CDH20: variants seen among roughly 807,000 people sequenced by gnomAD.
The protein encoded by CDH20 is cadherin 20, also known as cadherin-20.
Under a neutral mutation model 74.2 loss-of-function variants are expected in CDH20, and 29 were observed. The ratio of observed to expected loss-of-function variants is 0.39; its 90% CI spans 0.29 to 0.53. CDH20 has a LOEUF of 0.53. Among genes scored for constraint, CDH20 ranks in the 20% least tolerant of loss-of-function variants. The pLI, the probability that CDH20 is intolerant of heterozygous loss-of-function variation, is 0.69. For missense variants in CDH20, 988 were observed against 1,048.3 expected (o/e 0.94, Z 0.79); for synonymous variants, 469 against 405.4 (o/e 1.16, Z -1.88).
chr18:61,513,090 G>A (rs1212498634), intron 6 of CDH20, among the ~76,000 whole-genome samples: 1 of 150,970 alleles, frequency 6.6e-6, no homozygotes, highest in East Asian at 2.0e-4. Context: ...TCTGTCTAAT[G>A]TTGACAGTGG....
chr18:61,374,521 G>A (rs1911149215), intron 1 of CDH20, among the ~76,000 whole-genome samples: 1 of 152,092 alleles, frequency 6.6e-6, no homozygotes, highest in South Asian at 2.1e-4. Context: ...CTATTAGAGA[G>A]AAATATTTTT....
intron 1 of CDH20, among the ~76,000 whole-genome samples, chr18:61,375,909 C>T (rs767435112): frequency 3.3e-5 from 5 of 152,048 alleles, no homozygotes; most frequent in Non-Finnish European, 5.9e-5. Flanking sequence ...ATTATCCTTC[C>T]ACCACCATCT....
Position 61,554,681 on chromosome 18 carries a change from G to A in CDH20, c.2392G>A (p.Ala798Thr). The change falls in exon 12 of 12, where the codon GCG becomes ACG. Residue 798 changes from alanine (A) to threonine (T), a missense_variant. Coordinates refer to ENST00000262717, the MANE Select transcript of CDH20 (RefSeq NM_031891.4). ...GCTCTACGGGGCGTCGGAGGGACCC[G>A]CGCCGCTGTGGTGACGGAAGCCAGG... Reference protein sequence around the residue: ...AELYGASEGPAPLW With the variant: ...AELYGASEGPTPLW 1.3e-6 allele frequency: 2 copies of A among 1,570,986 alleles called. No individual in the cohort carries two copies. The highest frequency in any genetic ancestry group is 2.3e-5 in the East Asian group (1 of 43,550).
chr18:61,518,700 G>A (rs1348283166), intron 6 of CDH20, among the ~76,000 whole-genome samples: 8 of 151,280 alleles, frequency 5.3e-5, no homozygotes, highest in Admixed American at 5.2e-4. Flanking sequence ...CCAAAAACCA[G>A]AATGCCTCTT....
intron 1 of CDH20, among the ~76,000 whole-genome samples, chr18:61,444,405 T>C (rs1379311022): frequency 6.6e-6 from 1 of 152,168 alleles, no homozygotes; most frequent in Non-Finnish European, 1.5e-5. Flanking sequence ...TGTTTTTATG[T>C]CCAGACCAAA....
intron 1 of CDH20, among the ~76,000 whole-genome samples, chr18:61,366,580 TTTC>T (rs1342334223): frequency 9.8e-5 from 15 of 152,328 alleles, no homozygotes; most frequent in Non-Finnish European, 2.2e-4. Flanking sequence ...AGGATTTGTA[TTTC>T]TTAATTTTTG....
At chr18:61,490,824 C>G (rs757647254) in intron 2 of CDH20, 25 bp downstream of exon 2, 1 of 1,611,504 alleles carries the variant, frequency 6.2e-7, no homozygotes, top group Non-Finnish European at 8.5e-7. Context: ...GTAGAAATGA[C>G]CCGGGTATTG....
chr18:61,419,705 T>A (rs1019005747), intron 1 of CDH20, among the ~76,000 whole-genome samples: 1 of 152,186 alleles, frequency 6.6e-6, no homozygotes, highest in Admixed American at 6.5e-5. Flanking sequence ...TTATAGGTCA[T>A]GATTTTCACA....
rs1910824590 is a variant in CDH20, at chr18:61,365,413, T to C, written c.-153+31586T>C. ...AAATTCCTATTCTAAATTTTGGAGT[T>C]TTAGCTATTTCTAATCTGCTGGGTA... On this transcript the variant is annotated intron_variant, in intron 1 of 11. Transcript: ENST00000262717. 3.3e-5 allele frequency among the ~76,000 whole-genome samples: 5 copies of C among 152,318 alleles called. No individual in the cohort carries two copies. The South Asian group carries it at 1.0e-3, about 32-fold the overall frequency.
intron 6 of CDH20, among the ~76,000 whole-genome samples, chr18:61,517,092 C>T (rs1447867304): frequency 2.6e-5 from 4 of 152,062 alleles, no homozygotes; most frequent in African/African-American, 9.7e-5. Flanking sequence ...TATACCCCCA[C>T]AAAAAAACTC....
intron 1 of CDH20, among the ~76,000 whole-genome samples, chr18:61,348,251 C>T (rs145855026): frequency 6.6e-6 from 1 of 152,284 alleles, no homozygotes; most frequent in African/African-American, 2.4e-5. Flanking sequence ...CTTGAGGAAA[C>T]TGTATTTCTT....
intron 1 of CDH20, among the ~76,000 whole-genome samples, chr18:61,456,507 C>T (rs976404906): frequency 2.0e-5 from 3 of 152,048 alleles, no homozygotes; most frequent in Admixed American, 6.5e-5. Flanking sequence ...TAAAACTATG[C>T]ATGGTTAAAC....
Position 61,333,824 on chromosome 18 carries a change from C to G in CDH20, c.-156C>G, listed in dbSNP as rs1008204475. ...GGTCTCCGGAGAGTCGCCGGCGGTG[C>G]CAGGTAACGCAGAGGGCTCGGGTCG... is the stretch of plus-strand genomic sequence containing the variant. On this transcript the variant is annotated 5_prime_UTR_variant, in exon 1 of 12. Coordinates refer to ENST00000262717, the MANE Select transcript of CDH20 (RefSeq NM_031891.4). The G allele has an allele frequency of 6.6e-6, 1 of 152,148 alleles. No homozygotes were observed. Among genetic ancestry groups the G allele is most frequent in the Admixed American group, 6.5e-5 (1 of 15,272 alleles). 9.4% of individuals were successfully genotyped at this position (152,148 alleles called of 1,614,324 possible). A position where few individuals can be genotyped will look rare whatever the true frequency, so the allele number is the denominator to read the frequency against.
chr18:61,401,493 G>T (rs1912153162), intron 1 of CDH20, among the ~76,000 whole-genome samples: 1 of 152,144 alleles, frequency 6.6e-6, no homozygotes, highest in Admixed American at 6.6e-5. Flanking sequence ...AGGGAAACAA[G>T]ATAAAGTGAC....
At chr18:61,545,240 G>T in intron 10 of CDH20, 96 bp downstream of exon 10, 1 of 789,894 alleles carries the variant, frequency 1.3e-6, no homozygotes, top group Admixed American at 1.8e-5. Flanking sequence ...AAGGCTACCT[G>T]TTCCATACCA....
At chr18:61,531,190 C>T (rs935210754) in intron 7 of CDH20, among the ~76,000 whole-genome samples, 29 of 152,240 alleles carry the variant, frequency 1.9e-4, no homozygotes, top group Non-Finnish European at 1.3e-4. Flanking sequence ...GAGGGATTCC[C>T]CTCGATGAGG....
rs1272006855 is a variant in CDH20, at chr18:61,539,151, G to T, written c.1530+6G>T. 1.2e-6 allele frequency: 2 copies of T among 1,614,050 alleles called. No homozygotes were observed. The highest frequency in any genetic ancestry group is 1.3e-5 in the African/African-American group (1 of 75,032). The stretch of plus-strand genomic sequence containing the variant: ...AGAACGCCAAGGCAGGACAGGTAAG[G>T]TGGCCTGTGGGTGGTGCACTCTGCT... On this transcript the variant is annotated splice_donor_region_variant and intron_variant, in intron 9 of 11. Transcript: ENST00000262717.
chr18:61,539,175 C>T, intron 9 of CDH20, 30 bp downstream of exon 9: 1 of 1,606,468 alleles, frequency 6.2e-7, no homozygotes, highest in Non-Finnish European at 8.5e-7. Flanking sequence ...GTGCACTCTG[C>T]TTAACCCCTA....
chr18:61,412,923 G>A (rs919045155), intron 1 of CDH20, among the ~76,000 whole-genome samples: 18 of 152,078 alleles, frequency 1.2e-4, no homozygotes, highest in African/African-American at 4.3e-4. Flanking sequence ...GAGGTTACAA[G>A]GTAGTTTAAT....
Sources: allele counts gnomAD v4.1 joint callset (sites outside exome capture counted in the v4.1 genomes callset), GRCh38; gene constraint gnomAD v4.1.1; transcripts MANE v1.5; gene names NCBI Gene and HGNC (gene_info 2026-07-23, HGNC 2026-07-21).